OTOF: variants seen among roughly 807,000 people sequenced by gnomAD.
OTOF encodes otoferlin.
A neutral mutation model predicts 236.8 loss-of-function variants in OTOF; 218 were observed. The observed-to-expected ratio is 0.92, with a 90% confidence interval of 0.82 to 1.03. The LOEUF is 1.03. Among genes scored for constraint, OTOF ranks in the 50% least tolerant of loss-of-function variants. The probability of loss-of-function intolerance (pLI) is 0.00; values close to 1 mark genes in which losing one functional copy is unlikely to be tolerated. For synonymous variants in OTOF, 1,041 were observed against 1,072.5 expected, an observed-to-expected ratio of 0.97 and a Z score of 0.57; for missense variants, 2,590 against 2,694.4, an observed-to-expected ratio of 0.96 and a Z score of 0.86.
chr2:26,520,414 AT>A (rs1666648569), intron 3 of OTOF, among the ~76,000 whole-genome samples: 2 of 152,012 alleles, frequency 1.3e-5, no homozygotes, highest in Non-Finnish European at 2.9e-5. Flanking sequence ...GTGAACATTG[AT>A]TTTTTAAAAA....
intron 1 of OTOF, among the ~76,000 whole-genome samples, chr2:26,557,068 C>T (rs868400304): frequency 1.3e-5 from 2 of 152,144 alleles, no homozygotes; most frequent in African/African-American, 4.8e-5. Flanking sequence ...CTCCGCCTGC[C>T]GGCAGGGCCA....
chr2:26,467,570 G>C (rs937288371), intron 33 of OTOF, 69 bp from the exon 34 acceptor site: 1 of 1,535,918 alleles, frequency 6.5e-7, no homozygotes, highest in Admixed American at 1.9e-5. Context: ...TCGAGACCCA[G>C]CTCTGTCGCT....
At chr2:26,489,104 G>A (rs577746810) in intron 11 of OTOF, 107 bp downstream of exon 11, 3 of 810,704 alleles carry the variant, frequency 3.7e-6, no homozygotes, top group Non-Finnish European at 6.2e-6. Flanking sequence ...CCAGACTGTG[G>A]TCCTTGCCAG....
At chr2:26,517,631 G>A (rs909916985) in intron 4 of OTOF, among the ~76,000 whole-genome samples, 4 of 152,184 alleles carry the variant, frequency 2.6e-5, no homozygotes, top group African/African-American at 7.2e-5. Context: ...GTGGAACCAA[G>A]TATGTTGTTA....
chr2:26,522,829 G>C (rs1175690744), intron 3 of OTOF, among the ~76,000 whole-genome samples: 2 of 152,190 alleles, frequency 1.3e-5, no homozygotes, highest in Non-Finnish European at 2.9e-5. Flanking sequence ...AAGGATCTGG[G>C]GCTAACTCCA....
rs184025253 is a variant in OTOF, at chr2:26,537,546, C to G, written c.138+170G>C. On this transcript the variant is annotated intron_variant, in intron 2 of 46. Coordinates refer to ENST00000272371, the MANE Select transcript of OTOF (RefSeq NM_194248.3). ...TGGGGGGAACATGGGGGAGGGAGTT[C>G]CTGCACACCCTCCTTACCACCTCCT... is the stretch of plus-strand genomic sequence containing the variant. Among the ~76,000 whole-genome samples the G allele has an allele frequency of 3.9e-5, 6 of 152,272 alleles. No homozygotes were observed. In the East Asian group the frequency reaches 9.6e-4, roughly 24 times the overall value.
chr2:26,471,040 G>T (rs1572416344), intron 31 of OTOF, 81 bp downstream of exon 31: 1 of 1,548,944 alleles, frequency 6.5e-7, no homozygotes, highest in Non-Finnish European at 8.9e-7. Context: ...CTCTGTCCCT[G>T]ATGCTGGACC....
chr2:26,483,064 T>G (rs1360041967), intron 13 of OTOF, among the ~76,000 whole-genome samples: 1 of 148,012 alleles, frequency 6.8e-6, no homozygotes, highest in Non-Finnish European at 1.5e-5. Context: ...TGTGAGTGGG[T>G]GTGTGTGCGT....
In OTOF at chr2:26,490,981, C is replaced by G. The variant is rs927644618; in HGVS notation, c.898-1241G>C. On this transcript the variant is annotated intron_variant, in intron 9 of 46. Coordinates refer to ENST00000272371, the MANE Select transcript of OTOF (RefSeq NM_194248.3). The stretch of plus-strand genomic sequence containing the variant: ...CGGGTGGGGATATGGATTTGGGAAT[C>G]GTCAGCACAAGATGGTAACTGACAC... Among the ~76,000 whole-genome samples, 7 of 152,230 alleles carry G rather than the reference C, an allele frequency of 4.6e-5. No individual in the cohort carries two copies. In the East Asian group the frequency reaches 1.4e-3, roughly 29 times the overall value.
rs1415406999 is a variant in OTOF, at chr2:26,480,811, A to T, written c.1778T>A (p.Val593Glu). ...CTCCGAGATGGGCGTGGCCTGCTCC[A>T]CCTGCACCTCTGTGGAGCTGGTGAG... is the stretch of plus-strand genomic sequence containing the variant. ...PELTSSTEVQVEQATPISESC... is the reference protein window; with the variant it reads ...PELTSSTEVQEEQATPISESC... The change falls in exon 15 of 47, where the codon GTG (valine) becomes GAG (glutamate). Residue 593 changes from valine to glutamate, a missense_variant. Val to Glu is a moderately radical substitution (Grantham distance 121). Transcript: ENST00000272371. 3.1e-6 allele frequency: 5 copies of T among 1,612,414 alleles called. No homozygotes were observed. Among genetic ancestry groups the T allele is most frequent in the Middle Eastern group, 1.7e-4 (1 of 5,972 alleles).
At chr2:26,528,075 C>G (rs1666854121) in intron 2 of OTOF, among the ~76,000 whole-genome samples, 155 bp from the exon 3 acceptor site, 1 of 152,160 alleles carries the variant, frequency 6.6e-6, no homozygotes, top group African/African-American at 2.4e-5. Flanking sequence ...CACCTGGAAT[C>G]TCATTTAGTT....
At chr2:26,519,377 G>A (rs374261730) in intron 3 of OTOF, among the ~76,000 whole-genome samples, 37 of 152,200 alleles carry the variant, frequency 2.4e-4, no homozygotes, top group African/African-American at 6.8e-4. Flanking sequence ...TACAGACTGC[G>A]GGGAAAGGTG....
At chr2:26,481,390 C>A (rs528127259) in intron 14 of OTOF, among the ~76,000 whole-genome samples, 1 of 152,242 alleles carries the variant, frequency 6.6e-6, no homozygotes, top group East Asian at 1.9e-4. Context: ...CAGTGCAGAC[C>A]CCTCCCCTCC....
At chr2:26,558,235 C>T (rs1245717762) in intron 1 of OTOF, among the ~76,000 whole-genome samples, 2 of 152,026 alleles carry the variant, frequency 1.3e-5, no homozygotes, top group Admixed American at 1.3e-4. Context: ...GGGCTCTGTG[C>T]CCTGCCCGGG....
rs1665620560 is a variant in OTOF at position 26,483,528 on chromosome 2, C to A, written c.1326G>T (p.Lys442Asn). The A allele has an allele frequency of 1.2e-6, 2 of 1,613,898 alleles. No homozygotes were observed. Among genetic ancestry groups the A allele is most frequent in the Non-Finnish European group, 1.7e-6 (2 of 1,180,034 alleles). ...MNTSLMANVKKAFIGENKDLV... is the reference protein window; with the variant it reads ...MNTSLMANVKNAFIGENKDLV... ...GGTCCTTGTTTTCACCGATGAAAGC[C>A]TTCTTTACATTGGCCATGAGGCTTG... Residue 442 changes from lysine (K) to asparagine (N), a missense_variant, in exon 13 of 47, where the codon AAG (lysine) becomes AAT (asparagine). By Grantham distance (94) the Lys-to-Asn change is moderately conservative. Coordinates refer to ENST00000272371, the MANE Select transcript of OTOF (RefSeq NM_194248.3).
intron 1 of OTOF, among the ~76,000 whole-genome samples, chr2:26,550,274 A>G (rs543370841): frequency 3.9e-5 from 6 of 152,150 alleles, no homozygotes; most frequent in Non-Finnish European, 7.4e-5. Flanking sequence ...AAATGATCAC[A>G]TGATAGTCCC....
At chr2:26,528,193 G>A (rs1666857000) in intron 2 of OTOF, among the ~76,000 whole-genome samples, 1 of 152,186 alleles carries the variant, frequency 6.6e-6, no homozygotes, top group Admixed American at 6.5e-5. Context: ...TGAAGAGCCT[G>A]GACCTACCAG....
intron 40 of OTOF, 138 bp downstream of exon 40, chr2:26,463,826 C>T (rs1304252724): frequency 1.7e-6 from 2 of 1,196,956 alleles, no homozygotes; most frequent in Non-Finnish European, 2.5e-6. Flanking sequence ...CCTGAGGGGC[C>T]TTGGTGGGAA....
At chr2:26,553,777 G>T (rs993347336) in intron 1 of OTOF, among the ~76,000 whole-genome samples, 3 of 152,098 alleles carry the variant, frequency 2.0e-5, no homozygotes, top group Non-Finnish European at 4.4e-5. Flanking sequence ...CTCCTTTCCC[G>T]TCTGCCCTTT....
Sources: allele counts gnomAD v4.1 joint callset (sites outside exome capture counted in the v4.1 genomes callset), GRCh38; gene constraint gnomAD v4.1.1; transcripts MANE v1.5; gene names NCBI Gene and HGNC (gene_info 2026-07-23, HGNC 2026-07-21).